Variants in PCDH11X observed in about 807,000 individuals in gnomAD.
PCDH11X encodes the protein protocadherin-11 X-linked.
Under a neutral mutation model 53.3 loss-of-function variants are expected in PCDH11X, and 18 were observed. The observed-to-expected ratio is 0.34, with a 90% CI of 0.23 to 0.50. The LOEUF is 0.50. PCDH11X is among the 20% of genes least tolerant of loss of function. The probability of loss-of-function intolerance (pLI) is 0.98; values close to 1 mark genes in which losing one functional copy is unlikely to be tolerated. For synonymous variants in PCDH11X, 279 were observed against 393.3 expected (o/e 0.71, Z 3.44); for missense variants, 570 against 1,032.4 (o/e 0.55, Z 6.14).
At chrX:92,588,236 T>C (rs1330231468) in intron 10 of PCDH11X, among the ~76,000 whole-genome samples, 1 of 92,260 alleles carries the variant, frequency 1.1e-5, no homozygotes, top group East Asian at 3.3e-4. Context: ...AAAAAATATA[T>C]ATTTAAAATA....
intron 5 of PCDH11X, among the ~76,000 whole-genome samples, chrX:91,842,183 T>A (rs760021241): frequency 9.1e-6 from 1 of 110,101 alleles, no homozygotes; most frequent in South Asian, 3.9e-4. Context: ...TAATCAAGAA[T>A]GAATAATTAA....
At chrX:92,532,415 C>A (rs1451176832) in intron 10 of PCDH11X, among the ~76,000 whole-genome samples, 2 of 109,094 alleles carry the variant, frequency 1.8e-5, no homozygotes, top group East Asian at 5.8e-4. Flanking sequence ...GTCTATACTG[C>A]ATTTAAGCAT....
intron 6 of PCDH11X, among the ~76,000 whole-genome samples, chrX:92,059,808 T>A (rs2063500920): frequency 9.1e-6 from 1 of 110,476 alleles, no homozygotes. Flanking sequence ...AATAGTTTTA[T>A]GATAACTCTG....
chrX:91,813,356 C>T (rs1339878068), intron 4 of PCDH11X, among the ~76,000 whole-genome samples: 9 of 106,488 alleles, frequency 8.5e-5, no homozygotes, highest in Non-Finnish European at 1.7e-4. Flanking sequence ...TATCGTTACT[C>T]TTATGCTTAT....
chrX:91,902,447 T>A (rs1353318578), intron 6 of PCDH11X, among the ~76,000 whole-genome samples: 2 of 103,961 alleles, frequency 1.9e-5, no homozygotes, highest in Non-Finnish European at 3.9e-5. Flanking sequence ...TTTTTTGGCC[T>A]TCTGGTAATT....
chrX:92,388,077 G>T, intron 9 of PCDH11X, 144 bp downstream of exon 9: 2 of 734,996 alleles, frequency 2.7e-6, no homozygotes, highest in Non-Finnish European at 4.1e-6. Context: ...TACAGAATTA[G>T]ATGGATGGCA....
chrX:92,140,466 TC>T (rs1237768222), intron 6 of PCDH11X, among the ~76,000 whole-genome samples: 2 of 111,215 alleles, frequency 1.8e-5, no homozygotes, highest in Admixed American at 1.9e-4. Flanking sequence ...AAATATGTTT[TC>T]CAAAACTGTT....
At chrX:92,580,707 C>T (rs972035634) in intron 10 of PCDH11X, among the ~76,000 whole-genome samples, 2 of 111,826 alleles carry the variant, frequency 1.8e-5, no homozygotes, top group African/African-American at 3.3e-5. Context: ...AAGTGGCTGC[C>T]GAGAGTCTGC....
intron 4 of PCDH11X, among the ~76,000 whole-genome samples, chrX:91,829,299 T>C (rs773094818): frequency 9.2e-6 from 1 of 109,164 alleles, no homozygotes. Flanking sequence ...CTGTTTTGTG[T>C]ACTGTTTTAT....
rs753243223 is a variant in PCDH11X, at chrX:92,464,995, C to T, written c.3344-3304C>T. Among the ~76,000 whole-genome samples the T allele has an allele frequency of 1.3e-4, 14 of 110,751 alleles. No individual in the cohort carries two copies. In the East Asian group the frequency reaches 3.1e-3, roughly 25 times the overall value. On this transcript the variant is annotated intron_variant, in intron 9 of 10. Transcript: ENST00000682573. ...TGTTCTCAAAAGTTAGCCTGTATCACGGTTGCATATGCTAGTCCATGCTAT... is the reference window on the plus strand; with the variant it reads ...TGTTCTCAAAAGTTAGCCTGTATCATGGTTGCATATGCTAGTCCATGCTAT...
intron 4 of PCDH11X, among the ~76,000 whole-genome samples, chrX:91,822,221 A>G (rs181675298): frequency 2.1e-4 from 23 of 109,280 alleles, no homozygotes; most frequent in Middle Eastern, 4.7e-3. Flanking sequence ...CTCTTTCTCT[A>G]TTGATTGGAA....
intron 8 of PCDH11X, among the ~76,000 whole-genome samples, chrX:92,348,504 A>C (rs2069957025): frequency 1.2e-5 from 1 of 82,969 alleles, no homozygotes; most frequent in Non-Finnish European, 2.3e-5. Flanking sequence ...TCAAACATCA[A>C]AATTATCATT....
intron 8 of PCDH11X, among the ~76,000 whole-genome samples, chrX:92,382,310 T>C (rs1343489499): frequency 9.0e-6 from 1 of 111,216 alleles, no homozygotes. Context: ...TAAAGGAAGA[T>C]TGGGTTAGAG....
At chrX:92,150,781 G>A (rs887709101) in intron 6 of PCDH11X, among the ~76,000 whole-genome samples, 2 of 109,687 alleles carry the variant, frequency 1.8e-5, no homozygotes, top group African/African-American at 6.9e-5. Context: ...ATTCCAAAAG[G>A]ATTTTATGTT....
At chrX:91,971,139 CTTTCT>C (rs2147907839) in intron 6 of PCDH11X, among the ~76,000 whole-genome samples, 1 of 111,281 alleles carries the variant, frequency 9.0e-6, no homozygotes, top group Admixed American at 9.6e-5. Flanking sequence ...GCAAAGAAAG[CTTTCT>C]TTTCTTTTTG....
intron 6 of PCDH11X, among the ~76,000 whole-genome samples, chrX:92,107,702 A>G (rs2064415355): frequency 8.9e-6 from 1 of 112,228 alleles, no homozygotes; most frequent in Non-Finnish European, 1.9e-5. Context: ...CTGAACCAAA[A>G]CAATGTATTT....
intron 6 of PCDH11X, among the ~76,000 whole-genome samples, chrX:91,939,174 C>T (rs1426348461): frequency 9.0e-6 from 1 of 110,791 alleles, no homozygotes; most frequent in East Asian, 2.9e-4. Context: ...AATCAAACTT[C>T]CAGAAATGCC....
chrX:92,540,877 TCTG>T (rs1204893990), intron 10 of PCDH11X, among the ~76,000 whole-genome samples: 2 of 108,355 alleles, frequency 1.8e-5, no homozygotes, highest in African/African-American at 3.4e-5. Flanking sequence ...ACCTCACAAC[TCTG>T]CCGGTGCCCT....
chrX:92,206,392 C>T (rs752488967), intron 7 of PCDH11X, among the ~76,000 whole-genome samples: 26 of 111,773 alleles, frequency 2.3e-4, no homozygotes, highest in African/African-American at 8.1e-4. Flanking sequence ...AACTAGAGTG[C>T]AATTTAGAGG....
Sources: gnomAD v4.1 joint callset for allele counts (sites outside exome capture counted in the v4.1 genomes callset) on GRCh38, gnomAD v4.1.1 for gene constraint, MANE v1.5 for transcripts, NCBI Gene and HGNC (gene_info 2026-07-23, HGNC 2026-07-21) for gene names.